Variants in RAD51D observed in about 807,000 individuals in gnomAD.
RAD51D encodes the protein RAD51 paralog D, also known as DNA repair protein RAD51 homolog 4.
RAD51D carries 38 observed loss-of-function variants against 44.1 expected under a neutral mutation model. That is an observed-to-expected ratio of 0.86 (90% CI 0.67 to 1.13). RAD51D has a LOEUF of 1.13. Among genes scored for constraint, RAD51D ranks in the 50% most tolerant of loss-of-function variants. The pLI is 0.00. For synonymous variants in RAD51D, 141 were observed against 166.6 expected, an observed-to-expected ratio of 0.85 and a Z score of 1.18; for missense variants, 390 against 414.0, an observed-to-expected ratio of 0.94 and a Z score of 0.50.
rs1284671425 is a variant in RAD51D, at chr17:35,098,677, A to C, written c.*2276T>G. 1 of 152,072 alleles carries C rather than the reference A, an allele frequency of 6.6e-6. No individual in the cohort carries two copies. 9.4% of individuals were successfully genotyped at this position (152,072 alleles called of 1,614,324 possible). A position where few individuals can be genotyped will look rare whatever the true frequency, so the allele number is the denominator to read the frequency against. ...CACCTCAGCCTCCCAAAGTGCTGGG[A>C]TTACAGGCGTGAGCCACCACACCCA... On this transcript the variant is annotated 3_prime_UTR_variant, in exon 10 of 10. Transcript: ENST00000345365.
intron 6 of RAD51D, among the ~76,000 whole-genome samples, chr17:35,105,686 C>A (rs1197193957): frequency 6.6e-6 from 1 of 152,134 alleles, no homozygotes; most frequent in African/African-American, 2.4e-5. Flanking sequence ...ATTCTAAATC[C>A]TTCCCATTAA....
chr17:35,114,645 G>A (rs974788271), intron 3 of RAD51D, among the ~76,000 whole-genome samples: 2 of 151,720 alleles, frequency 1.3e-5, no homozygotes, highest in Non-Finnish European at 2.9e-5. Context: ...AACTATGATT[G>A]TGCACCACTG....
chr17:35,117,927 A>G (rs1312265760), intron 3 of RAD51D, among the ~76,000 whole-genome samples: 3 of 152,210 alleles, frequency 2.0e-5, no homozygotes, highest in Admixed American at 1.3e-4. Flanking sequence ...GCTAAACTCA[A>G]GTAGGGTTAA....
rs145023898 is a variant in RAD51D at position 35,109,947 on chromosome 17, G to A, written c.264-2500C>T. 7.0e-3 allele frequency among the ~76,000 whole-genome samples: 1,027 copies of A among 147,396 alleles called. 5 individuals carry two copies. Among genetic ancestry groups the A allele is most frequent in the Non-Finnish European group, 0.01 (702 of 67,468 alleles). On this transcript the variant is annotated intron_variant, in intron 3 of 9. Transcript: ENST00000345365. Reference sequence around the variant, plus strand: ...CTCCCGAAGTGCTGGGATTACAGGCGTAAGCCACCACGCCTGGCTTTTTTT... The same window carrying A: ...CTCCCGAAGTGCTGGGATTACAGGCATAAGCCACCACGCCTGGCTTTTTTT...
chr17:35,112,821 C>T (rs1597869191), intron 3 of RAD51D, among the ~76,000 whole-genome samples: 1 of 152,162 alleles, frequency 6.6e-6, no homozygotes, highest in African/African-American at 2.4e-5. Context: ...TTTTGTTTGT[C>T]TTGCTCATCT....
chr17:35,116,846 T>G, intron 3 of RAD51D: 2 of 1,508,594 alleles, frequency 1.3e-6, no homozygotes, highest in Non-Finnish European at 1.8e-6. Flanking sequence ...GACGAATAAA[T>G]GAAATAATGT....
chr17:35,106,557 G>A, intron 5 of RAD51D, 76 bp from the exon 6 acceptor site: 2 of 1,075,866 alleles, frequency 1.9e-6, no homozygotes, highest in Non-Finnish European at 2.8e-6. Context: ...TGAGAAGGAA[G>A]AGGCACCTGG....
chr17:35,104,882 TG>T lies in RAD51D; in HGVS notation c.577-1339del, dbSNP rs1454689505. 9 of 151,964 alleles carry T rather than the reference TG, an allele frequency of 5.9e-5. No homozygotes were observed. In the East Asian group the frequency reaches 9.7e-4, roughly 16 times the overall value. 9.4% of individuals were successfully genotyped at this position (151,964 alleles called of 1,614,324 possible). ...CAGGGTCTTGCTATGCTGCCCAGGC[TG>T]GTCCTGAACTCCTGGGCTCAAGTGA... On this transcript the variant is annotated intron_variant, in intron 6 of 9. Coordinates refer to ENST00000345365, the MANE Select transcript of RAD51D (RefSeq NM_002878.4).
In RAD51D at chr17:35,119,100, C is replaced by A; in HGVS notation, c.144+11G>T. On this transcript the variant is annotated intron_variant, in intron 2 of 9. Coordinates refer to ENST00000345365, the MANE Select transcript of RAD51D (RefSeq NM_002878.4). ...ACACTCAGGTTTGGAATGTGGAGAT[C>A]AGGAGCTCACCTTGTAAGACAAGCC... 1 of 1,610,946 alleles carries A rather than the reference C, an allele frequency of 6.2e-7. No homozygotes were observed. The highest frequency in any genetic ancestry group is 8.5e-7 in the Non-Finnish European group (1 of 1,177,104).
In RAD51D at chr17:35,106,440, G is replaced by A. The variant is rs2142429332; in HGVS notation, c.522C>T (p.Asp174=). ...GCAGCACATCCAGCATCTGGAAGAT[G>A]TCAAATGCATGCACCACCTGGATCC... ...LRRIQVVHAF[D]IFQMLDVLQE... The change falls in exon 6 of 10, where the codon GAC becomes GAT. Residue 174 remains aspartate, a synonymous_variant. Coordinates refer to ENST00000345365, the MANE Select transcript of RAD51D (RefSeq NM_002878.4). 4 of 1,613,376 alleles carry A rather than the reference G, an allele frequency of 2.5e-6. No homozygotes were observed. Among genetic ancestry groups the A allele is most frequent in the Non-Finnish European group, 3.4e-6 (4 of 1,179,716 alleles).
At chr17:35,110,517 T>A (rs1266849566) in intron 3 of RAD51D, among the ~76,000 whole-genome samples, 1 of 152,242 alleles carries the variant, frequency 6.6e-6, no homozygotes, top group Non-Finnish European at 1.5e-5. Context: ...TTTCTCCTGT[T>A]TTGTTCTAAA....
At position 35,117,106 on chromosome 17, in the gene RAD51D, T is replaced by A. The variant is rs1597874972; in HGVS notation, c.263+1395A>T. Reference sequence around the variant, plus strand: ...CCTGTTCACCACTCCCTCCTTACCGTTGCCTCCCTCGGTGCTTACAGCTCT... The same window carrying A: ...CCTGTTCACCACTCCCTCCTTACCGATGCCTCCCTCGGTGCTTACAGCTCT... On this transcript the variant is annotated intron_variant, in intron 3 of 9. Coordinates refer to ENST00000345365, the MANE Select transcript of RAD51D (RefSeq NM_002878.4). The A allele has an allele frequency of 2.7e-6, 4 of 1,501,724 alleles. 1 individual carries two copies. Among genetic ancestry groups the A allele is most frequent in the African/African-American group, 1.4e-5 (1 of 72,172 alleles). The allele number at this position is 1,501,724 out of a possible 1,614,324, so 93.0% of individuals were successfully genotyped here.
rs1027266177 is a variant in RAD51D, at chr17:35,092,869, C to T, written c.*8084G>A. 6.6e-6 allele frequency: 1 copy of T among 152,140 alleles called. No homozygotes were observed. Among genetic ancestry groups the T allele is most frequent in the African/African-American group, 2.4e-5 (1 of 41,422 alleles). 9.4% of individuals were successfully genotyped at this position (152,140 alleles called of 1,614,324 possible). A position where few individuals can be genotyped will look rare whatever the true frequency, so the allele number is the denominator to read the frequency against. On this transcript the variant is annotated 3_prime_UTR_variant, in exon 10 of 10. Coordinates refer to ENST00000345365, the MANE Select transcript of RAD51D (RefSeq NM_002878.4). ...CTAAGAAATCAATGGAAGGATGTTT[C>T]CCAAAGAGAAGGGCCAGTACTAGTG...
intron 8 of RAD51D, among the ~76,000 whole-genome samples, chr17:35,102,740 AGATT>A (rs1437222167): frequency 1.3e-5 from 2 of 152,336 alleles, no homozygotes; most frequent in African/African-American, 2.4e-5. Flanking sequence ...GTGGATGTGG[AGATT>A]GATGACAAAT....
In RAD51D at chr17:35,104,775, TTTCTC is replaced by T. The variant is rs1214552621; in HGVS notation, c.577-1236_577-1232del. On this transcript the variant is annotated intron_variant, in intron 6 of 9. Coordinates refer to ENST00000345365, the MANE Select transcript of RAD51D (RefSeq NM_002878.4). The stretch of plus-strand genomic sequence containing the variant: ...GACTTAAACTGTTTTTGATGCTTCT[TTTCTC>T]TTCTCCCTTACTTCTTATATCCTGA... 3.9e-5 allele frequency: 6 copies of T among 152,322 alleles called. No individual in the cohort carries two copies. The East Asian group carries it at 1.2e-3, about 29-fold the overall frequency. 9.4% of individuals were successfully genotyped at this position (152,322 alleles called of 1,614,324 possible). A position where few individuals can be genotyped will look rare whatever the true frequency, so the allele number is the denominator to read the frequency against.
rs772985579 is a variant in RAD51D at position 35,101,324 on chromosome 17, G to A, written c.780C>T (p.Leu260=). 1.2e-6 allele frequency: 2 copies of A among 1,614,162 alleles called. No individual in the cohort carries two copies. Among genetic ancestry groups the A allele is most frequent in the Non-Finnish European group, 1.7e-6 (2 of 1,180,036 alleles). Residue 260 remains leucine (L), a synonymous_variant, in exon 9 of 10, where the codon CTC becomes CTT. Coordinates refer to ENST00000345365, the MANE Select transcript of RAD51D (RefSeq NM_002878.4). ...TCCAGGAGCGTCCGAGGGCAGGTTT[G>A]AGCCTCCCGCTGTCCCTGTCTCGAG... ...HITRDRDSGR[L]KPALGRSWSF...
In RAD51D at chr17:35,116,652, G is replaced by A. The variant is rs149993745; in HGVS notation, c.263+1849C>T. Among the ~76,000 whole-genome samples, 147 of 151,964 alleles carry A rather than the reference G, an allele frequency of 9.7e-4. No individual in the cohort carries two copies. In the East Asian group the frequency reaches 0.011, roughly 11 times the overall value. On this transcript the variant is annotated intron_variant, in intron 3 of 9. Coordinates refer to ENST00000345365, the MANE Select transcript of RAD51D (RefSeq NM_002878.4). ...TGGGACTACAGGCGCCCGCCACCAC[G>A]CCCAGCTAATATTTTGTACTTTTAG...
Position 35,115,731 on chromosome 17 carries a change from T to TGG in RAD51D, c.263+2769_263+2770insCC, listed in dbSNP as rs1285546370. On this transcript the variant is annotated intron_variant, in intron 3 of 9. Transcript: ENST00000345365. ...AAAAATACAAAAAATTAGCTGGGCG[T>TGG]TGATGGCACGCACCTGTAGTCCCAG... Among the ~76,000 whole-genome samples, 123 of 151,766 alleles carry TGG rather than the reference T, an allele frequency of 8.1e-4. 1 individual carries two copies. Among genetic ancestry groups the TGG allele is most frequent in the Admixed American group, 7.6e-3 (115 of 15,214 alleles).
At position 35,101,303 on chromosome 17, in the gene RAD51D, G is replaced by A; in HGVS notation, c.801C>T (p.Ser267=). ...SGRLKPALGR[S]WSFVPSTRIL... is the part of the protein sequence containing the mutation. ...TCCGAGTGCTGGGCACAAAGCTCCA[G>A]GAGCGTCCGAGGGCAGGTTTGAGCC... Residue 267 remains serine, a synonymous_variant, in exon 9 of 10, where the codon TCC becomes TCT. Coordinates refer to ENST00000345365, the MANE Select transcript of RAD51D (RefSeq NM_002878.4). 1.2e-6 allele frequency: 2 copies of A among 1,614,182 alleles called. No individual in the cohort carries two copies. The highest frequency in any genetic ancestry group is 1.7e-6 in the Non-Finnish European group (2 of 1,180,024).
Sources: allele counts gnomAD v4.1 joint callset (sites outside exome capture counted in the v4.1 genomes callset), GRCh38; gene constraint gnomAD v4.1.1; transcripts MANE v1.5; gene names NCBI Gene and HGNC (gene_info 2026-07-23, HGNC 2026-07-21).